Variants in LRMDA observed in about 807,000 individuals in gnomAD.
The protein encoded by LRMDA is leucine rich melanocyte differentiation associated.
A neutral mutation model predicts 29.8 loss-of-function variants in LRMDA; 18 were observed. The ratio of observed to expected loss-of-function variants is 0.60; its 90% CI spans 0.42 to 0.90. The LOEUF (loss-of-function observed/expected upper bound fraction) is 0.90. LRMDA is among the 40% of genes least tolerant of loss of function. The pLI is 0.00. For synonymous variants in LRMDA, 125 were observed against 109.4 expected (o/e 1.14, Z -0.89); for missense variants, 273 against 273.9 (o/e 1.00, Z 0.02).
At chr10:76,483,291 A>G (rs887002146) in intron 6 of LRMDA, among the ~76,000 whole-genome samples, 40 of 151,966 alleles carry the variant, frequency 2.6e-4, no homozygotes, top group African/African-American at 9.4e-4. Flanking sequence ...GTTTTACAAC[A>G]TTTAAAAACT....
intron 5 of LRMDA, among the ~76,000 whole-genome samples, chr10:76,124,458 C>T (rs953938447): frequency 1.8e-4 from 28 of 152,224 alleles, no homozygotes; most frequent in Non-Finnish European, 3.5e-4. Flanking sequence ...TAAATGTCAC[C>T]ACTCTTGAAC....
chr10:75,454,466 G>A (rs1447483975), intron 2 of LRMDA, among the ~76,000 whole-genome samples: 1 of 152,138 alleles, frequency 6.6e-6, no homozygotes, highest in Non-Finnish European at 1.5e-5. Context: ...ACCATACTCT[G>A]GGGTATCGTT....
intron 2 of LRMDA, among the ~76,000 whole-genome samples, chr10:75,540,348 C>T (rs781601418): frequency 6.6e-6 from 1 of 152,174 alleles, no homozygotes; most frequent in Non-Finnish European, 1.5e-5. Context: ...AGTACAACAC[C>T]AATGGTGGGC....
chr10:75,670,275 G>A (rs569852048), intron 2 of LRMDA, among the ~76,000 whole-genome samples: 1 of 152,340 alleles, frequency 6.6e-6, no homozygotes, highest in Admixed American at 6.5e-5. Context: ...AAGCTCTAAA[G>A]TGACTTTGAA....
intron 5 of LRMDA, among the ~76,000 whole-genome samples, chr10:76,298,446 G>T (rs1387129427): frequency 1.3e-5 from 2 of 152,182 alleles, no homozygotes; most frequent in Admixed American, 1.3e-4. Flanking sequence ...CTCATTAACT[G>T]AGCCTGTGCA....
At chr10:76,423,573 T>C (rs1353362604) in intron 6 of LRMDA, among the ~76,000 whole-genome samples, 3 of 152,152 alleles carry the variant, frequency 2.0e-5, no homozygotes, top group Non-Finnish European at 2.9e-5. Context: ...TATTGATTAA[T>C]TGAGTGATTT....
chr10:75,633,592 C>A (rs1841354656), intron 2 of LRMDA, among the ~76,000 whole-genome samples: 1 of 152,198 alleles, frequency 6.6e-6, no homozygotes, highest in African/African-American at 2.4e-5. Flanking sequence ...CAGCCCCAGC[C>A]CCGAAGAAAA....
At chr10:75,662,966 A>G (rs1308642212) in intron 2 of LRMDA, among the ~76,000 whole-genome samples, 1 of 152,216 alleles carries the variant, frequency 6.6e-6, no homozygotes, top group Non-Finnish European at 1.5e-5. Flanking sequence ...TAAACTCTTT[A>G]TAGAAGACTC....
intron 2 of LRMDA, among the ~76,000 whole-genome samples, chr10:76,014,217 GCTTC>G (rs1361618912): frequency 6.9e-6 from 1 of 143,996 alleles, no homozygotes; most frequent in Non-Finnish European, 1.5e-5. Context: ...GTCTATGACT[GCTTC>G]TACATGGAGC....
rs12412694 is a variant in LRMDA at position 75,462,127 on chromosome 10, C to G, written c.131+23633C>G. Among the ~76,000 whole-genome samples, 1,491 of 152,286 alleles carry G rather than the reference C, an allele frequency of 9.8e-3. 76 individuals are homozygous for G. Among genetic ancestry groups the G allele is most frequent in the Admixed American group, 0.091 (1,385 of 15,302 alleles). On this transcript the variant is annotated intron_variant, in intron 2 of 6. Coordinates refer to ENST00000611255, the MANE Select transcript of LRMDA (RefSeq NM_001305581.2). Reference sequence around the variant, plus strand: ...CGAACAAAGAAGACAAAGTATGAAGCCTGGATACAGTGCAAAATGAAATAA... The same window carrying G: ...CGAACAAAGAAGACAAAGTATGAAGGCTGGATACAGTGCAAAATGAAATAA...
rs3041614 is a variant in LRMDA, at chr10:75,514,164, G to GTT, written c.131+75685_131+75686dup. Among the ~76,000 whole-genome samples the GTT allele has an allele frequency of 7.2e-3, 1,005 of 138,746 alleles. 22 individuals are homozygous for GTT. Among genetic ancestry groups the GTT allele is most frequent in the East Asian group, 0.054 (257 of 4,718 alleles). The allele number at this position is 138,746 out of a possible 152,430, so 91.0% of individuals were successfully genotyped here. Reference sequence around the variant, plus strand: ...ATTCAAAGGCAGTCCTCCTTTACCTGTTTTTTTTTTTTTTTTCCTTTCTTC... The same window carrying GTT: ...ATTCAAAGGCAGTCCTCCTTTACCTGTTTTTTTTTTTTTTTTTTCCTTTCTTC... On this transcript the variant is annotated intron_variant, in intron 2 of 6. Coordinates refer to ENST00000611255, the MANE Select transcript of LRMDA (RefSeq NM_001305581.2).
intron 2 of LRMDA, among the ~76,000 whole-genome samples, chr10:75,715,960 A>G (rs1490306126): frequency 6.6e-6 from 1 of 152,212 alleles, no homozygotes; most frequent in Non-Finnish European, 1.5e-5. Flanking sequence ...TGTTAACAAC[A>G]TCAGTATCAC....
chr10:75,922,463 T>A (rs1323044166), intron 2 of LRMDA, among the ~76,000 whole-genome samples: 1 of 152,202 alleles, frequency 6.6e-6, no homozygotes, highest in Non-Finnish European at 1.5e-5. Flanking sequence ...CTTGTCTACT[T>A]GCTTGGTTCT....
intron 2 of LRMDA, chr10:75,743,697 C>T (rs1030868849): frequency 6.6e-6 from 1 of 152,042 alleles, no homozygotes; most frequent in Non-Finnish European, 1.5e-5. Context: ...ATGAGGCAAA[C>T]GTTTAGAGAA....
At chr10:76,071,314 A>G (rs1333468862) in intron 5 of LRMDA, among the ~76,000 whole-genome samples, 2 of 152,240 alleles carry the variant, frequency 1.3e-5, no homozygotes, top group African/African-American at 4.8e-5. Flanking sequence ...TTAGACAATT[A>G]GAAAACAGCC....
intron 2 of LRMDA, among the ~76,000 whole-genome samples, chr10:75,766,061 G>T (rs751186935): frequency 1.3e-5 from 2 of 152,190 alleles, no homozygotes; most frequent in Non-Finnish European, 1.5e-5. Flanking sequence ...GGAAGGAGTG[G>T]CTTTTCTAAG....
rs139739322 is a variant in LRMDA, at chr10:75,860,119, A to G, written c.132-175889A>G. Among the ~76,000 whole-genome samples the G allele has an allele frequency of 4.1e-3, 625 of 152,214 alleles. 1 individual carries two copies. Among genetic ancestry groups the G allele is most frequent in the Middle Eastern group, 0.034 (10 of 294 alleles). On this transcript the variant is annotated intron_variant, in intron 2 of 6. Transcript: ENST00000611255. ...TGTCTATCTGTTTGCTATTAGAAGT[A>G]TTAAAAATAGTGTCTAAACTGGCTA... is the stretch of plus-strand genomic sequence containing the variant.
chr10:76,013,908 T>C (rs957353772), intron 2 of LRMDA, among the ~76,000 whole-genome samples: 3 of 151,192 alleles, frequency 2.0e-5, no homozygotes, highest in Non-Finnish European at 4.4e-5. Context: ...AACTCTATTC[T>C]CTGGCTGCTT....
At chr10:76,126,076 C>T (rs1849877184) in intron 5 of LRMDA, among the ~76,000 whole-genome samples, 2 of 152,196 alleles carry the variant, frequency 1.3e-5, no homozygotes, top group Non-Finnish European at 2.9e-5. Flanking sequence ...AAACCACACA[C>T]ATGCCCTTGC....
Sources: allele counts gnomAD v4.1 joint callset (sites outside exome capture counted in the v4.1 genomes callset), GRCh38; gene constraint gnomAD v4.1.1; transcripts MANE v1.5; gene names NCBI Gene and HGNC (gene_info 2026-07-23, HGNC 2026-07-21).